ABCA5: variants seen among roughly 807,000 people sequenced by gnomAD.
ABCA5 encodes the protein cholesterol transporter ABCA5.
ABCA5 carries 163 observed loss-of-function variants against 206.0 expected under a neutral mutation model. The observed-to-expected ratio is 0.79, with a 90% CI of 0.70 to 0.90. The LOEUF (loss-of-function observed/expected upper bound fraction) is 0.90. Among genes scored for constraint, ABCA5 ranks in the 40% least tolerant of loss-of-function variants. The probability of loss-of-function intolerance (pLI) is 0.00; values close to 1 mark genes in which losing one functional copy is unlikely to be tolerated. For missense variants in ABCA5, 1,859 were observed against 1,912.9 expected (o/e 0.97, Z 0.53); for synonymous variants, 609 against 613.8 (o/e 0.99, Z 0.11).
At chr17:69,317,297 G>C in intron 1 of ABCA5, 1 of 150,736 alleles carries the variant, frequency 6.6e-6, no homozygotes, top group Non-Finnish European at 1.5e-5. Context: ...CAGCTACTCA[G>C]GAAGCCGAGG....
intron 28 of ABCA5, among the ~76,000 whole-genome samples, chr17:69,257,430 G>T (rs2075096481): frequency 6.6e-6 from 1 of 151,604 alleles, no homozygotes; most frequent in Non-Finnish European, 1.5e-5. Flanking sequence ...AGTTAAATAA[G>T]TTGAGCCTAT....
Position 69,308,345 on chromosome 17 carries a change from C to A in ABCA5, c.493G>T (p.Ala165Ser), listed in dbSNP as rs1381895162. 1.2e-6 allele frequency: 2 copies of A among 1,611,406 alleles called. No homozygotes were observed. The highest frequency in any genetic ancestry group is 1.7e-6 in the Non-Finnish European group (2 of 1,178,258). ...AAACCTGAGGACCAGTACTGAGCAGCCTCACATGATTTTGAACAGCCAGCT... is the reference window on the plus strand; with the variant it reads ...AAACCTGAGGACCAGTACTGAGCAGACTCACATGATTTTGAACAGCCAGCT... ...SRAGCSKSCE[A>S]AQYWSSGFTV... The change falls in exon 5 of 39, where the codon GCT becomes TCT. Residue 165 changes from alanine (A) to serine (S), a missense_variant. By Grantham distance (99) the Ala-to-Ser change is moderately conservative. Coordinates refer to ENST00000392676, the MANE Select transcript of ABCA5 (RefSeq NM_172232.4).
intron 32 of ABCA5, 44 bp downstream of exon 32, chr17:69,254,271 C>A: frequency 5.4e-6 from 8 of 1,482,422 alleles, no homozygotes; most frequent in South Asian, 1.4e-5. Context: ...AAATGCAAAC[C>A]TTTCCTCTAA....
chr17:69,298,306 AAGAG>A (rs149500787), intron 9 of ABCA5, among the ~76,000 whole-genome samples: 566 of 32,468 alleles, frequency 0.017, 27 homozygotes, highest in East Asian at 0.14. Flanking sequence ...AAGAGAAAGA[AAGAG>A]AGAGAGAGGA....
At position 69,301,716 on chromosome 17, in the gene ABCA5, T is replaced by A. The variant is rs141874546; in HGVS notation, c.1120-430A>T. Among the ~76,000 whole-genome samples, 226 of 152,324 alleles carry A rather than the reference T, an allele frequency of 1.5e-3. 2 individuals are homozygous for A. The highest frequency in any genetic ancestry group is 5.3e-3 in the African/African-American group (221 of 41,580). The stretch of plus-strand genomic sequence containing the variant: ...TTTCCAATAGAGAAAAGCAAGTATT[T>A]TGATTAATTAACACAATTATTAAAG... On this transcript the variant is annotated intron_variant, in intron 8 of 38. Transcript: ENST00000392676.
rs528121962 is a variant in ABCA5, at chr17:69,256,095, T to A, written c.3858+62A>T. The A allele has an allele frequency of 6.8e-5, 101 of 1,482,130 alleles. No individual in the cohort carries two copies. The African/African-American group carries it at 1.3e-3, about 19-fold the overall frequency. 91.8% of individuals were successfully genotyped at this position (1,482,130 alleles called of 1,614,324 possible). A position where few individuals can be genotyped will look rare whatever the true frequency, so the allele number is the denominator to read the frequency against. ...AAGAAAAATATTTTTCAGATTAATT[T>A]CTATATACCGGGAATTGATCATTTC... On this transcript the variant is annotated intron_variant, in intron 29 of 38. Transcript: ENST00000392676.
intron 28 of ABCA5, among the ~76,000 whole-genome samples, chr17:69,259,491 A>G (rs1335094273): frequency 6.6e-6 from 1 of 151,982 alleles, no homozygotes; most frequent in East Asian, 1.9e-4. Flanking sequence ...AGTTATATAA[A>G]GTGTTCAGAA....
In ABCA5 at chr17:69,294,645, A is replaced by G. The variant is rs1054884704; in HGVS notation, c.1495+10T>C. 10 of 1,597,616 alleles carry G rather than the reference A, an allele frequency of 6.3e-6. No homozygotes were observed. The African/African-American group carries it at 1.2e-4, about 19-fold the overall frequency. On this transcript the variant is annotated intron_variant, in intron 11 of 38. Transcript: ENST00000392676. Reference sequence around the variant, plus strand: ...AATACTATGGCCTGAATACTAGGAAAACTACTTACTTCTCAAAGCCTCCAC... The same window carrying G: ...AATACTATGGCCTGAATACTAGGAAGACTACTTACTTCTCAAAGCCTCCAC...
At chr17:69,247,897 T>C (rs2144882503) in intron 38 of ABCA5, among the ~76,000 whole-genome samples, 2 of 152,176 alleles carry the variant, frequency 1.3e-5, no homozygotes, top group South Asian at 4.1e-4. Flanking sequence ...TCAAATACAC[T>C]AATGTGAAAC....
Position 69,246,601 on chromosome 17 carries a change from C to T in ABCA5, c.*936G>A, listed in dbSNP as rs1318276643. 2 of 151,890 alleles carry T rather than the reference C, an allele frequency of 1.3e-5. No individual in the cohort carries two copies. The highest frequency in any genetic ancestry group is 4.8e-5 in the African/African-American group (2 of 41,428). 9.4% of individuals were successfully genotyped at this position (151,890 alleles called of 1,614,324 possible). On this transcript the variant is annotated 3_prime_UTR_variant, in exon 39 of 39. Transcript: ENST00000392676. Reference sequence around the variant, plus strand: ...CTAAATAAATCTACACACTGATCTACTTACAATTTTATAGAAGAGATTCAC... The same window carrying T: ...CTAAATAAATCTACACACTGATCTATTTACAATTTTATAGAAGAGATTCAC...
At chr17:69,320,049 A>G (rs955913414) in intron 1 of ABCA5, among the ~76,000 whole-genome samples, 2 of 152,230 alleles carry the variant, frequency 1.3e-5, no homozygotes, top group African/African-American at 4.8e-5. Context: ...TTGGGTTGTT[A>G]AAATGACTAA....
Position 69,292,868 on chromosome 17 carries a change from A to G in ABCA5, c.1496-1542T>C, listed in dbSNP as rs543241289. On this transcript the variant is annotated intron_variant, in intron 11 of 38. Transcript: ENST00000392676. ...ATATTTAAATACCTGTATCTAACAA[A>G]GGTCTTGAAACAAAAATGTGAAAAG... 1.1e-3 allele frequency among the ~76,000 whole-genome samples: 169 copies of G among 152,308 alleles called. No homozygotes were observed. In the Middle Eastern group the frequency reaches 0.017, roughly 15 times the overall value.
At chr17:69,266,519 T>C (rs2075209947) in intron 23 of ABCA5, among the ~76,000 whole-genome samples, 1 of 150,766 alleles carries the variant, frequency 6.6e-6, no homozygotes, top group Non-Finnish European at 1.5e-5. Context: ...TATACATATG[T>C]AACTAACCTG....
chr17:69,273,629 T>C (rs141458541), intron 20 of ABCA5, among the ~76,000 whole-genome samples: 149 of 152,074 alleles, frequency 9.8e-4, no homozygotes, highest in African/African-American at 3.4e-3. Flanking sequence ...CTAATTTTTA[T>C]ATTTTTAGTA....
chr17:69,307,486 A>G (rs1449433566), intron 5 of ABCA5, among the ~76,000 whole-genome samples: 1 of 152,052 alleles, frequency 6.6e-6, no homozygotes, highest in Non-Finnish European at 1.5e-5. Flanking sequence ...TATCCTGCCT[A>G]TTCATCCAGT....
chr17:69,250,374 A>T, intron 36 of ABCA5, 98 bp downstream of exon 36: 5 of 1,007,336 alleles, frequency 5.0e-6, no homozygotes, highest in Non-Finnish European at 7.1e-6. Context: ...TATATGGTCT[A>T]TGAATGAAAA....
chr17:69,286,529 A>G (rs111279442), intron 15 of ABCA5, among the ~76,000 whole-genome samples: 1 of 152,304 alleles, frequency 6.6e-6, no homozygotes, highest in African/African-American at 2.4e-5. Flanking sequence ...TGTTTCATAC[A>G]GCTATTAAGT....
chr17:69,297,831 A>G (rs2075599910), intron 9 of ABCA5, among the ~76,000 whole-genome samples: 1 of 152,184 alleles, frequency 6.6e-6, no homozygotes, highest in Admixed American at 6.5e-5. Flanking sequence ...CTTCATGGAA[A>G]AGACTACAGA....
At chr17:69,295,105 A>G (rs2075571586) in intron 10 of ABCA5, among the ~76,000 whole-genome samples, 1 of 152,140 alleles carries the variant, frequency 6.6e-6, no homozygotes, top group African/African-American at 2.4e-5. Flanking sequence ...TTAAGAAATT[A>G]TAAGGAAAAA....
Sources: allele counts gnomAD v4.1 joint callset (sites outside exome capture counted in the v4.1 genomes callset), GRCh38; gene constraint gnomAD v4.1.1; transcripts MANE v1.5; gene names NCBI Gene and HGNC (gene_info 2026-07-23, HGNC 2026-07-21).